Variants in ABCA4 observed in about 807,000 individuals in gnomAD.
ABCA4 encodes ATP binding cassette subfamily A member 4, also known as retinal-specific phospholipid-transporting ATPase ABCA4.
A neutral mutation model predicts 263.7 loss-of-function variants in ABCA4; 196 were observed. The ratio of observed to expected loss-of-function variants is 0.74; its 90% CI spans 0.66 to 0.84. The LOEUF is 0.84. ABCA4 is among the 40% of genes least tolerant of loss of function. ABCA4 has a pLI of 0.00. For missense variants in ABCA4, 2,792 were observed against 2,855.1 expected (o/e 0.98, Z 0.50); for synonymous variants, 1,133 against 1,094.2 (o/e 1.04, Z -0.70).
chr1:94,039,787 A>T (rs895642576), intron 24 of ABCA4, among the ~76,000 whole-genome samples: 2 of 152,254 alleles, frequency 1.3e-5, no homozygotes, highest in East Asian at 1.9e-4. Flanking sequence ...ATGATGGCTT[A>T]CTAAGGGTAA....
chr1:94,091,218 T>C (rs558827704), intron 6 of ABCA4, among the ~76,000 whole-genome samples: 1 of 152,322 alleles, frequency 6.6e-6, no homozygotes, highest in East Asian at 1.9e-4. Context: ...CACCAAATAG[T>C]TACTAAGCTC....
rs778257948 is a variant in ABCA4 at position 94,001,850 on chromosome 1, G to A, written c.6282+8C>T. ...TAAGCCCTTGGTGCGGCCCAAGCCCGCAGTTACCAGCAGCACCAGCGGTGG... is the reference window on the plus strand; with the variant it reads ...TAAGCCCTTGGTGCGGCCCAAGCCCACAGTTACCAGCAGCACCAGCGGTGG... On this transcript the variant is annotated splice_region_variant and intron_variant, in intron 45 of 49. Coordinates refer to ENST00000370225, the MANE Select transcript of ABCA4 (RefSeq NM_000350.3). The A allele has an allele frequency of 2.2e-5, 35 of 1,614,184 alleles. No individual in the cohort carries two copies. Among genetic ancestry groups the A allele is most frequent in the Non-Finnish European group, 2.7e-5 (32 of 1,180,032 alleles).
chr1:94,054,316 AT>A (rs1403031002), intron 16 of ABCA4, among the ~76,000 whole-genome samples: 2 of 152,224 alleles, frequency 1.3e-5, no homozygotes, highest in African/African-American at 4.8e-5. Context: ...GAGTCAGTAA[AT>A]ACATGCATAA....
chr1:94,001,016 G>C lies in ABCA4; in HGVS notation c.6372C>G (p.Val2124=). 6.2e-7 allele frequency: 1 copy of C among 1,614,156 alleles called. No homozygotes were observed. Among genetic ancestry groups the C allele is most frequent in the Non-Finnish European group, 8.5e-7 (1 of 1,180,010 alleles). The change falls in exon 46 of 50, where the codon GTC becomes GTG. Residue 2124 remains valine (V), a synonymous_variant. Coordinates refer to ENST00000370225, the MANE Select transcript of ABCA4 (RefSeq NM_000350.3). The part of the protein sequence containing the change: ...VSIIREGRAV[V]LTSHSMEECE... ...GAATCTCTTGCCTGTGGGATGTGAG[G>C]ACCACAGCCCTCCCTTCTCTGATGA...
chr1:94,077,557 T>C, intron 11 of ABCA4, 133 bp downstream of exon 11: 3 of 803,040 alleles, frequency 3.7e-6, no homozygotes, highest in South Asian at 1.8e-5. Context: ...GTACAGGGGA[T>C]GTAGGGATTC....
chr1:94,079,510 A>C (rs1385245660), intron 8 of ABCA4, 49 bp from the exon 9 acceptor site: 1 of 1,612,976 alleles, frequency 6.2e-7, no homozygotes, highest in South Asian at 1.1e-5. Context: ...CATTGCTTGT[A>C]ACTCAATATA....
intron 43 of ABCA4, among the ~76,000 whole-genome samples, chr1:94,006,763 G>A (rs1420075644): frequency 6.6e-6 from 1 of 152,206 alleles, no homozygotes. Context: ...GCCATGCTGA[G>A]GATGGCTTTC....
At chr1:94,098,752 G>C (rs773682955) in intron 6 of ABCA4, 42 bp downstream of exon 6, 1 of 1,605,384 alleles carries the variant, frequency 6.2e-7, no homozygotes, top group South Asian at 1.1e-5. Context: ...GCTACCCCAG[G>C]AATCACCTTG....
At chr1:94,041,824 G>A (rs1570371533) in intron 22 of ABCA4, among the ~76,000 whole-genome samples, 2 of 152,174 alleles carry the variant, frequency 1.3e-5, no homozygotes, top group South Asian at 2.1e-4. Context: ...GGCCGGGCAC[G>A]GTGGCTCATG....
At chr1:94,025,383 C>T (rs1212102457) in intron 30 of ABCA4, among the ~76,000 whole-genome samples, 2 of 152,170 alleles carry the variant, frequency 1.3e-5, no homozygotes, top group Non-Finnish European at 2.9e-5. Flanking sequence ...CTGATTCTGT[C>T]CTTGGTCTGC....
At position 94,000,892 on chromosome 1, in the gene ABCA4, G is replaced by A; in HGVS notation, c.6423C>T (p.Ala2141=). The A allele has an allele frequency of 1.9e-6, 3 of 1,614,186 alleles. No individual in the cohort carries two copies. Among genetic ancestry groups the A allele is most frequent in the Non-Finnish European group, 2.5e-6 (3 of 1,180,040 alleles). ...EECEALCTRL[A]IMVKGAFRCM... ...ATCGAAAGGCGCCCTTTACCATGATGGCCAGCCGGGTACACAGTGCCTCAC... is the reference window on the plus strand; with the variant it reads ...ATCGAAAGGCGCCCTTTACCATGATAGCCAGCCGGGTACACAGTGCCTCAC... Residue 2141 remains alanine (A), a synonymous_variant, in exon 47 of 50, where the codon GCC becomes GCT. Transcript: ENST00000370225.
chr1:94,118,936 C>T (rs564985108), intron 1 of ABCA4, among the ~76,000 whole-genome samples: 42 of 152,292 alleles, frequency 2.8e-4, no homozygotes, highest in Middle Eastern at 3.4e-3. Context: ...ATCATGTGAC[C>T]CCCTTTGAGG....
At position 94,111,431 on chromosome 1, in the gene ABCA4, C is replaced by T. The variant is rs1351923110; in HGVS notation, c.302+7G>A. On this transcript the variant is annotated splice_region_variant and intron_variant, in intron 3 of 49. Transcript: ENST00000370225. The stretch of plus-strand genomic sequence containing the variant: ...CTCCCCTGCATGGTAGGGATCTCAA[C>T]ACTTACATGGAGTTGTTATAGTTTG... The T allele has an allele frequency of 6.2e-7, 1 of 1,613,752 alleles. No individual in the cohort carries two copies. Among genetic ancestry groups the T allele is most frequent in the African/African-American group, 1.3e-5 (1 of 74,938 alleles).
rs761915394 is a variant in ABCA4 at position 94,041,286 on chromosome 1, T to C, written c.3445A>G (p.Asn1149Asp). The C allele has an allele frequency of 6.2e-7, 1 of 1,614,116 alleles. No individual in the cohort carries two copies. The highest frequency in any genetic ancestry group is 8.5e-7 in the Non-Finnish European group (1 of 1,180,016). ...YCSGTPLFLK[N>D]CFGTGLYLTL... The stretch of plus-strand genomic sequence containing the variant: ...AAGTACAAGCCTGTGCCAAAGCAGT[T>C]CTTCAGGAAGAGTGGGGTGCCTGAG... The change falls in exon 23 of 50, where the codon AAC becomes GAC. Residue 1149 changes from asparagine (N) to aspartate (D), a missense_variant. Coordinates refer to ENST00000370225, the MANE Select transcript of ABCA4 (RefSeq NM_000350.3).
chr1:94,044,282 G>C (rs1660608501), intron 20 of ABCA4, among the ~76,000 whole-genome samples: 1 of 152,194 alleles, frequency 6.6e-6, no homozygotes, highest in South Asian at 2.1e-4. Context: ...AAGGAACAAT[G>C]GTTCTCCTGT....
At chr1:94,019,876 G>T in intron 35 of ABCA4, 117 bp from the exon 36 acceptor site, 1 of 1,120,650 alleles carries the variant, frequency 8.9e-7, no homozygotes, top group Non-Finnish European at 1.3e-6. Flanking sequence ...TGGCCTCCAG[G>T]TTCCTCTTCT....
Position 94,031,869 on chromosome 1 carries a change from G to C in ABCA4, c.4037C>G (p.Thr1346Arg). The C allele has an allele frequency of 6.2e-7, 1 of 1,614,216 alleles. No homozygotes were observed. The highest frequency in any genetic ancestry group is 8.5e-7 in the Non-Finnish European group (1 of 1,180,036). Residue 1346 changes from threonine (T) to arginine (R), a missense_variant, in exon 27 of 50, where the codon ACG becomes AGG. Physicochemically the swap from Thr to Arg is moderately conservative, Grantham distance 71 (BLOSUM62 -1). Coordinates refer to ENST00000370225, the MANE Select transcript of ABCA4 (RefSeq NM_000350.3). ...EPECPGPQLN[T>R]GTQLVLQHVQ... ...ATGCTGGAGGACCAGCTGTGTCCCC[G>C]TGTTGAGCTGCGGGCCTGGGCACTC...
rs759022571 is a variant in ABCA4, at chr1:94,063,282, A to G, written c.1590T>C (p.Asp530=). The G allele has an allele frequency of 1.2e-5, 19 of 1,614,052 alleles. No individual in the cohort carries two copies. The highest frequency in any genetic ancestry group is 6.6e-5 in the South Asian group (6 of 91,078). ...LVLDKFESYN[D]ETQLTQRALS... ...GGGCACGTTGGGTGAGCTGAGTTTC[A>G]TCATTGTAGCTTTCAAACTTATCCA... Residue 530 remains aspartate, a synonymous_variant, in exon 12 of 50, where the codon GAT becomes GAC. Transcript: ENST00000370225.
rs56307710 is a variant in ABCA4 at position 94,014,799 on chromosome 1, T to A, written c.5313-109A>T. 4.3e-6 allele frequency: 6 copies of A among 1,411,334 alleles called. No individual in the cohort carries two copies. In the South Asian group the frequency reaches 5.8e-5, roughly 14 times the overall value. 87.4% of individuals were successfully genotyped at this position (1,411,334 alleles called of 1,614,324 possible). A position where few individuals can be genotyped will look rare whatever the true frequency, so the allele number is the denominator to read the frequency against. Reference sequence around the variant, plus strand: ...TACACCTGAGGTGATGTGTGTGAACTGGCCAGAGTCCCAGGGGACCAGAGA... The same window carrying A: ...TACACCTGAGGTGATGTGTGTGAACAGGCCAGAGTCCCAGGGGACCAGAGA... On this transcript the variant is annotated intron_variant, in intron 37 of 49. Transcript: ENST00000370225.
Sources: gnomAD v4.1 joint callset for allele counts (sites outside exome capture counted in the v4.1 genomes callset) on GRCh38, gnomAD v4.1.1 for gene constraint, MANE v1.5 for transcripts, NCBI Gene and HGNC (gene_info 2026-07-23, HGNC 2026-07-21) for gene names.